Variants in ZFHX3 observed in about 807,000 individuals in gnomAD.
ZFHX3 encodes the protein zinc finger homeobox 3, also known as zinc finger homeobox protein 3.
ZFHX3 carries 42 observed loss-of-function variants against 279.1 expected under a neutral mutation model. That is an observed-to-expected ratio of 0.15 (90% CI 0.12 to 0.19). ZFHX3 has a LOEUF of 0.19. Among genes scored for constraint, ZFHX3 ranks in the 10% least tolerant of loss-of-function variants. The pLI, the probability that ZFHX3 is intolerant of heterozygous loss-of-function variation, is 1.00. For synonymous variants in ZFHX3, 2,293 were observed against 1,957.8 expected (o/e 1.17, Z -4.52); for missense variants, 4,981 against 4,754.0 (o/e 1.05, Z -1.40).
chr16:73,294,663 T>C (rs945585330), intron 4 of ZFHX3, among the ~76,000 whole-genome samples: 1 of 151,260 alleles, frequency 6.6e-6, no homozygotes, highest in East Asian at 2.0e-4. Flanking sequence ...ATACAAAAAT[T>C]TGCCGGGTGT....
intron 3 of ZFHX3, among the ~76,000 whole-genome samples, chr16:73,362,684 C>A (rs1460920682): frequency 2.0e-5 from 3 of 152,212 alleles, no homozygotes; most frequent in Non-Finnish European, 4.4e-5. Flanking sequence ...GGCACCTGCC[C>A]ACCAGCCAGT....
chr16:73,602,076 G>A (rs2052124496), intron 2 of ZFHX3, among the ~76,000 whole-genome samples: 1 of 152,106 alleles, frequency 6.6e-6, no homozygotes, highest in African/African-American at 2.4e-5. Flanking sequence ...AGGCTTCAGT[G>A]AGCTGTGATG....
intron 2 of ZFHX3, among the ~76,000 whole-genome samples, chr16:73,613,638 C>T (rs2052269875): frequency 6.6e-6 from 1 of 152,098 alleles, no homozygotes; most frequent in South Asian, 2.1e-4. Flanking sequence ...AGACTTTGGT[C>T]CTCCCTAAAA....
intron 2 of ZFHX3, among the ~76,000 whole-genome samples, chr16:73,602,792 C>G (rs2143864828): frequency 6.7e-6 from 1 of 149,692 alleles, no homozygotes; most frequent in Middle Eastern, 3.5e-3. Flanking sequence ...TAAAAAAATA[C>G]AAAAATTAGC....
chr16:73,863,002 G>GGAGTTT (rs11280742), intron 1 of ZFHX3, among the ~76,000 whole-genome samples: 6 of 151,166 alleles, frequency 4.0e-5, no homozygotes, highest in Non-Finnish European at 5.9e-5. Flanking sequence ...CAGAAGGTCA[G>GGAGTTT]GAGACCAGCC....
chr16:73,506,329 C>T (rs1285982025), intron 2 of ZFHX3, among the ~76,000 whole-genome samples: 2 of 152,194 alleles, frequency 1.3e-5, no homozygotes, highest in East Asian at 1.9e-4. Context: ...CGGATGAGCT[C>T]TTCCCCATTT....
intron 2 of ZFHX3, among the ~76,000 whole-genome samples, chr16:73,648,109 A>G (rs1489205331): frequency 6.6e-6 from 1 of 152,230 alleles, no homozygotes; most frequent in African/African-American, 2.4e-5. Context: ...TTTAAAATAC[A>G]CACACCCTAT....
At chr16:73,069,082 T>A (rs1417962648) in intron 8 of ZFHX3, among the ~76,000 whole-genome samples, 1 of 152,200 alleles carries the variant, frequency 6.6e-6, no homozygotes, top group East Asian at 1.9e-4. Context: ...TGCCCAAGTA[T>A]GAGTGTGTGT....
intron 3 of ZFHX3, among the ~76,000 whole-genome samples, chr16:72,891,985 G>C (rs1362855202): frequency 6.6e-6 from 1 of 152,322 alleles, no homozygotes; most frequent in South Asian, 2.1e-4. Context: ...ACACTGACAA[G>C]CTAGAATGGT....
In ZFHX3 at chr16:73,211,341, G is replaced by A. The variant is rs1597222283; in HGVS notation, c.-1104+45706C>T. 2.0e-5 allele frequency among the ~76,000 whole-genome samples: 3 copies of A among 152,108 alleles called. No individual in the cohort carries two copies. The East Asian group carries it at 5.8e-4, about 29-fold the overall frequency. On this transcript the variant is annotated intron_variant, in intron 5 of 17. Transcript: ENST00000641206. The stretch of plus-strand genomic sequence containing the variant: ...TTTCTGGACTTTTCTTGAAGTCAAT[G>A]CCCAATGACACTTGAGAGTGATTAT...
chr16:73,644,060 A>T (rs1373866108), intron 2 of ZFHX3, among the ~76,000 whole-genome samples: 1 of 152,026 alleles, frequency 6.6e-6, no homozygotes, highest in East Asian at 1.9e-4. Flanking sequence ...TGCAGGATGG[A>T]CCACACACCC....
At chr16:73,698,730 G>A (rs1043798557) in intron 1 of ZFHX3, among the ~76,000 whole-genome samples, 10 of 152,148 alleles carry the variant, frequency 6.6e-5, no homozygotes, top group Non-Finnish European at 1.0e-4. Flanking sequence ...TGGAAGTTAA[G>A]GCCTGAGGAA....
At chr16:73,856,463 G>T (rs575340026) in intron 1 of ZFHX3, among the ~76,000 whole-genome samples, 3 of 152,276 alleles carry the variant, frequency 2.0e-5, no homozygotes, top group South Asian at 2.1e-4. Flanking sequence ...TTCTTTCTTA[G>T]AGGATTTCAA....
In ZFHX3 at chr16:73,277,343, C is replaced by A. The variant is rs576070363; in HGVS notation, c.-1193-20207G>T. 1.6e-4 allele frequency among the ~76,000 whole-genome samples: 24 copies of A among 152,326 alleles called. 1 individual carries two copies. The South Asian group carries it at 5.0e-3, about 32-fold the overall frequency. ...ACCAACCTTGCCTCAGATGACAAAT[C>A]ATTCTCAAGGGCAGCACTGTGTCTC... On this transcript the variant is annotated intron_variant, in intron 4 of 17. Transcript: ENST00000641206.
chr16:73,404,372 A>G (rs1227696533), intron 3 of ZFHX3, among the ~76,000 whole-genome samples: 1 of 152,210 alleles, frequency 6.6e-6, no homozygotes, highest in Non-Finnish European at 1.5e-5. Context: ...ACCATCTTTG[A>G]GTGCTTTTTC....
chr16:73,548,352 G>C (rs1437192448), intron 2 of ZFHX3, among the ~76,000 whole-genome samples: 1 of 152,054 alleles, frequency 6.6e-6, no homozygotes, highest in Non-Finnish European at 1.5e-5. Flanking sequence ...GTCTTCTTTA[G>C]TTCTTGCAAC....
At chr16:73,440,527 T>C (rs189579958) in intron 3 of ZFHX3, among the ~76,000 whole-genome samples, 4 of 152,236 alleles carry the variant, frequency 2.6e-5, no homozygotes, top group African/African-American at 9.6e-5. Context: ...GCTCCGACTT[T>C]GTGTTAATTT....
chr16:72,873,889 T>G (rs1356084835), intron 4 of ZFHX3, among the ~76,000 whole-genome samples: 1 of 152,202 alleles, frequency 6.6e-6, no homozygotes, highest in Non-Finnish European at 1.5e-5. Context: ...CACATAATCG[T>G]AACACAGTTT....
chr16:73,588,319 G>T lies in ZFHX3; in HGVS notation c.-1547+91861C>A, dbSNP rs549058504. Among the ~76,000 whole-genome samples, 44 of 152,102 alleles carry T rather than the reference G, an allele frequency of 2.9e-4. No homozygotes were observed. In the South Asian group the frequency reaches 8.3e-3, roughly 29 times the overall value. ...ACAAAGGAATACACATCTATCTGAG[G>T]AAAACAGAAAAAAAGAATATAGTAT... On this transcript the variant is annotated intron_variant, in intron 2 of 17. Coordinates refer to the ZFHX3 transcript ENST00000641206.
Sources: gnomAD v4.1 joint callset for allele counts (sites outside exome capture counted in the v4.1 genomes callset) on GRCh38, gnomAD v4.1.1 for gene constraint, MANE v1.5 for transcripts, NCBI Gene and HGNC (gene_info 2026-07-23, HGNC 2026-07-21) for gene names.